ADCY10: variants seen among roughly 807,000 people sequenced by gnomAD.
ADCY10 encodes adenylate cyclase 10.
ADCY10 carries 156 observed loss-of-function variants against 183.3 expected under a neutral mutation model. That is an observed-to-expected ratio of 0.85 (90% CI 0.75 to 0.97). The LOEUF (loss-of-function observed/expected upper bound fraction) is 0.97, where lower values mean the gene tolerates loss of function less well. Ranked by LOEUF, ADCY10 falls within the 50% of genes least tolerant of loss-of-function variation. ADCY10 has a pLI of 0.00. For synonymous variants in ADCY10, 645 were observed against 670.0 expected (o/e 0.96, Z 0.58); for missense variants, 1,745 against 1,934.3 (o/e 0.90, Z 1.84).
intron 14 of ADCY10, among the ~76,000 whole-genome samples, chr1:167,863,350 G>A (rs181478617): frequency 4.1e-4 from 62 of 152,132 alleles, no homozygotes; most frequent in African/African-American, 1.1e-3. Context: ...TGTGACCACC[G>A]GTGCTCACAG....
At chr1:167,824,258 G>A (rs1487630446) in intron 28 of ADCY10, among the ~76,000 whole-genome samples, 2 of 152,172 alleles carry the variant, frequency 1.3e-5, no homozygotes, top group Non-Finnish European at 1.5e-5. Flanking sequence ...GGAAGGCAGA[G>A]GTTGCAGTGA....
chr1:167,909,077 C>A (rs1169517469), intron 1 of ADCY10, among the ~76,000 whole-genome samples: 1 of 152,210 alleles, frequency 6.6e-6, no homozygotes, highest in Non-Finnish European at 1.5e-5. Flanking sequence ...CTACCCTTCT[C>A]TTTTCCCTGA....
At position 167,824,529 on chromosome 1, in the gene ADCY10, G is replaced by A. The variant is rs7531790; in HGVS notation, c.3999C>T (p.Asn1333=). 1,887 of 1,614,184 alleles carry A rather than the reference G, an allele frequency of 1.2e-3. 23 individuals are homozygous for A. In the African/African-American group the frequency reaches 0.021, roughly 18 times the overall value. The change falls in exon 28 of 33, where the codon AAC becomes AAT. Residue 1333 remains asparagine (N), a synonymous_variant. Transcript: ENST00000367851. ...LQMWALLQNP[N]RHYQSLCRLS... ...GTCTGCAGAGGGACTGATAATGTCG[G>A]TTGGGATTCTGGAGCAGTGCCCACA... is the stretch of plus-strand genomic sequence containing the variant.
At position 167,901,642 on chromosome 1, in the gene ADCY10, A is replaced by ACC; in HGVS notation, c.436+19_436+20insGG. 6.2e-7 allele frequency: 1 copy of ACC among 1,613,350 alleles called. No individual in the cohort carries two copies. Among genetic ancestry groups the ACC allele is most frequent in the African/African-American group, 1.3e-5 (1 of 74,998 alleles). On this transcript the variant is annotated intron_variant, in intron 5 of 32. Transcript: ENST00000367851. ...CCCTATCCCAGCTGCCGTAGGATTT[A>ACC]TTCCTTCTCAAATGCTTACCTATCT... is the stretch of plus-strand genomic sequence containing the variant.
intron 25 of ADCY10, among the ~76,000 whole-genome samples, chr1:167,831,196 TC>T (rs1663702729): frequency 1.4e-5 from 2 of 144,094 alleles, no homozygotes; most frequent in Non-Finnish European, 3.0e-5. Context: ...AATCTCTCTC[TC>T]TTTTTTTTTT....
rs1400699743 is a variant in ADCY10, at chr1:167,824,716, T to C, written c.3890A>G (p.Tyr1297Cys). 6.2e-7 allele frequency: 1 copy of C among 1,614,244 alleles called. No homozygotes were observed. The highest frequency in any genetic ancestry group is 1.1e-5 in the South Asian group (1 of 91,086). Reference sequence around the variant, plus strand: ...GTTGAAGACCAGTGTCTCAGCCACGTATGCCACGATTTCAATGCCCTCGCC... The same window carrying C: ...GTTGAAGACCAGTGTCTCAGCCACGCATGCCACGATTTCAATGCCCTCGCC... ...LKGEGIEIVA[Y>C]VAETLVFNKL... Residue 1297 changes from tyrosine to cysteine, a missense_variant, in exon 27 of 33, where the codon TAC becomes TGC. Transcript: ENST00000367851.
Position 167,846,124 on chromosome 1 carries a change from C to T in ADCY10, c.2577G>A (p.Lys859=), listed in dbSNP as rs199951209. 1 of 1,614,132 alleles carries T rather than the reference C, an allele frequency of 6.2e-7. No homozygotes were observed. The highest frequency in any genetic ancestry group is 2.2e-5 in the East Asian group (1 of 44,882). Residue 859 remains lysine (K), a synonymous_variant, in exon 20 of 33, where the codon AAG becomes AAA. Transcript: ENST00000367851. ...TAGATTCCACTAGGGTTGCCAGGGT[C>T]TTGATCATCATCTTCATATTCCAAC... ...LPCWNMKMMI[K]TLATLVESNI... is the part of the protein sequence containing the mutation.
At chr1:167,822,513 T>C (rs898840388) in intron 29 of ADCY10, among the ~76,000 whole-genome samples, 1 of 152,158 alleles carries the variant, frequency 6.6e-6, no homozygotes, top group Non-Finnish European at 1.5e-5. Context: ...ACAATTCAGG[T>C]TGGTTCCTGT....
In ADCY10 at chr1:167,810,800, G is replaced by C; in HGVS notation, c.4596C>G (p.Leu1532=). 6.2e-7 allele frequency: 1 copy of C among 1,614,208 alleles called. No homozygotes were observed. Among genetic ancestry groups the C allele is most frequent in the Non-Finnish European group, 8.5e-7 (1 of 1,180,048 alleles). The change falls in exon 32 of 33, where the codon CTC becomes CTG. Residue 1532 remains leucine, a synonymous_variant. Transcript: ENST00000367851. ...AGAGCCGCAAGGCTGTGTTCAGGAA[G>C]AGGCCACATTTCTGCCCATCTCCCA... The part of the protein sequence containing the change: ...ILMGDGQKCG[L]FLNTALRLSE...
chr1:167,870,518 C>A, intron 13 of ADCY10, 108 bp from the exon 14 acceptor site: 6 of 988,320 alleles, frequency 6.1e-6, no homozygotes, highest in South Asian at 1.4e-5. Context: ...TTGGGCCAGG[C>A]GCTGTGGCTC....
At chr1:167,880,420 C>A (rs76779157) in intron 10 of ADCY10, 71 bp downstream of exon 10, 24 of 1,152,780 alleles carry the variant, frequency 2.1e-5, no homozygotes, top group Non-Finnish European at 2.9e-5. Flanking sequence ...TTTCCTGTTC[C>A]CTGCATGCCC....
chr1:167,896,848 A>G (rs985011905), intron 6 of ADCY10, among the ~76,000 whole-genome samples, 157 bp from the exon 7 acceptor site: 2 of 152,210 alleles, frequency 1.3e-5, no homozygotes, highest in Non-Finnish European at 2.9e-5. Context: ...GAAATTTTAA[A>G]TTGAAAATCT....
Position 167,829,379 on chromosome 1 carries a change from G to A in ADCY10, c.3638C>T (p.Ser1213Phe). Residue 1213 changes from serine to phenylalanine, a missense_variant, in exon 26 of 33, where the codon TCC (serine) becomes TTC (phenylalanine). Ser to Phe is a radical substitution (Grantham distance 155). Transcript: ENST00000367851. ...GTAGCTATAGATGCGCCACAGCAAG[G>A]AAAGGCAGACAGTTTGCCGGTAAAG... ...AQLYRQTVCLSLLWRIYSYSY... is the reference protein window; with the variant it reads ...AQLYRQTVCLFLLWRIYSYSY... The A allele has an allele frequency of 1.2e-6, 2 of 1,614,168 alleles. No individual in the cohort carries two copies. The highest frequency in any genetic ancestry group is 1.7e-6 in the Non-Finnish European group (2 of 1,180,000).
chr1:167,887,655 C>T (rs6427115), intron 8 of ADCY10, among the ~76,000 whole-genome samples: 24,785 of 151,690 alleles, frequency 0.16, 2,346 homozygotes, highest in Middle Eastern at 0.23. Context: ...CGTAACAAAC[C>T]TGCACATTGT....
Position 167,809,409 on chromosome 1 carries a change from G to T in ADCY10, c.*269C>A. On this transcript the variant is annotated 3_prime_UTR_variant, in exon 33 of 33. Transcript: ENST00000367851. ...TCTTGAGATTAATAATTTGTAATAT[G>T]ATACAGTTTTGCATGGGCTGAAATA... 1 of 425,870 alleles carries T rather than the reference G, an allele frequency of 2.3e-6. No homozygotes were observed. Among genetic ancestry groups the T allele is most frequent in the South Asian group, 2.7e-5 (1 of 36,714 alleles). 26.4% of individuals were successfully genotyped at this position (425,870 alleles called of 1,614,324 possible).
rs368950665 is a variant in ADCY10 at position 167,845,615 on chromosome 1, G to A, written c.2955C>T (p.Asn985=). Residue 985 remains asparagine (N), a synonymous_variant, in exon 21 of 33, where the codon AAC becomes AAT. Coordinates refer to ENST00000367851, the MANE Select transcript of ADCY10 (RefSeq NM_018417.6). ...TTTTAATGGCATCCATGTCTAAAGC[G>A]TTGAGCCGAATATTCACTGTGAAGT... is the stretch of plus-strand genomic sequence containing the variant. ...YHHFTVNIRL[N]ALDMDAIKKM... 8.4e-5 allele frequency: 136 copies of A among 1,614,232 alleles called. No homozygotes were observed. Among genetic ancestry groups the A allele is most frequent in the African/African-American group, 4.5e-4 (34 of 75,064 alleles).
intron 1 of ADCY10, among the ~76,000 whole-genome samples, chr1:167,910,021 C>T (rs528472486): frequency 1.3e-5 from 2 of 152,268 alleles, no homozygotes; most frequent in South Asian, 2.1e-4. Context: ...GACCCTTTCA[C>T]GTGGAACCCC....
chr1:167,829,188 A>G, intron 26 of ADCY10, 79 bp downstream of exon 26: 1 of 1,541,124 alleles, frequency 6.5e-7, no homozygotes, highest in African/African-American at 1.4e-5. Context: ...AGAATTTTGA[A>G]TCCTAATTGG....
At chr1:167,828,197 GAAATGT>G (rs1349807524) in intron 26 of ADCY10, among the ~76,000 whole-genome samples, 1 of 152,164 alleles carries the variant, frequency 6.6e-6, no homozygotes, top group Non-Finnish European at 1.5e-5. Context: ...GTTTTTCATA[GAAATGT>G]AAATATTCAG....
Sources: gnomAD v4.1 joint callset for allele counts (sites outside exome capture counted in the v4.1 genomes callset) on GRCh38, gnomAD v4.1.1 for gene constraint, MANE v1.5 for transcripts, NCBI Gene and HGNC (gene_info 2026-07-23, HGNC 2026-07-21) for gene names.